The following TTC7B variants were observed in gnomAD, a reference collection of about 807,000 sequenced individuals.
TTC7B encodes the protein tetratricopeptide repeat protein 7B.
TTC7B carries 28 observed loss-of-function variants against 106.8 expected under a neutral mutation model. The ratio of observed to expected loss-of-function variants is 0.26; its 90% CI spans 0.19 to 0.36. The LOEUF (loss-of-function observed/expected upper bound fraction) is 0.36. Among genes scored for constraint, TTC7B ranks in the 10% least tolerant of loss-of-function variants. The pLI, the probability that TTC7B is intolerant of heterozygous loss-of-function variation, is 1.00. For synonymous variants in TTC7B, 405 were observed against 430.6 expected (o/e 0.94, Z 0.74); for missense variants, 862 against 1,076.4 (o/e 0.80, Z 2.79).
At chr14:90,545,640 C>T (rs905833226) in intron 19 of TTC7B, among the ~76,000 whole-genome samples, 3 of 152,204 alleles carry the variant, frequency 2.0e-5, no homozygotes, top group East Asian at 1.9e-4. Context: ...GCTCTGGTCT[C>T]GGCACCCTGC....
rs753726206 is a variant in TTC7B at position 90,652,859 on chromosome 14, G to A, written c.1499C>T (p.Ala500Val). The change falls in exon 13 of 20, where the codon GCG becomes GTG. Residue 500 changes from alanine (A) to valine (V), a missense_variant. Coordinates refer to ENST00000328459, the MANE Select transcript of TTC7B (RefSeq NM_001010854.2). ...RGMQEVLQRK[A>V]LLAFQRAHSL... is the part of the protein sequence containing the mutation. ...CACTCACCTCTGAAATGCAAGAAGC[G>A]CCTTTCTCTGTAGGACCTCCTGCAT... 4 of 1,614,216 alleles carry A rather than the reference G, an allele frequency of 2.5e-6. No individual in the cohort carries two copies. The highest frequency in any genetic ancestry group is 1.7e-5 in the Admixed American group (1 of 60,024).
intron 1 of TTC7B, among the ~76,000 whole-genome samples, chr14:90,815,449 C>G (rs2031118031): frequency 6.6e-6 from 1 of 152,078 alleles, no homozygotes; most frequent in African/African-American, 2.4e-5. Context: ...CAACCCCTCA[C>G]CCACCCAACT....
At chr14:90,667,798 A>G (rs1886469437) in intron 9 of TTC7B, among the ~76,000 whole-genome samples, 1 of 152,334 alleles carries the variant, frequency 6.6e-6, no homozygotes, top group South Asian at 2.1e-4. Context: ...TGGACTCAAT[A>G]GGGAGAAGGA....
intron 9 of TTC7B, among the ~76,000 whole-genome samples, chr14:90,669,681 C>T (rs1886558489): frequency 6.6e-6 from 1 of 152,122 alleles, no homozygotes; most frequent in Non-Finnish European, 1.5e-5. Context: ...AAAAGATGCT[C>T]AACATCATTA....
At chr14:90,699,132 C>A (rs1320485442) in intron 5 of TTC7B, 1 of 455,332 alleles carries the variant, frequency 2.2e-6, no homozygotes, top group Admixed American at 2.4e-5. Context: ...CTGAAATGTA[C>A]ATTCTAACGT....
rs1217702003 is a variant in TTC7B, at chr14:90,530,629, G to C, written c.*10739C>G. ...GAGGCAGAGAAGGAGGAGTCACAGA[G>C]ATCGCTCTACAGCAGAGGTCGGAGT... is the stretch of plus-strand genomic sequence containing the variant. On this transcript the variant is annotated 3_prime_UTR_variant, in exon 20 of 20. Transcript: ENST00000328459. The C allele has an allele frequency of 6.6e-6, 1 of 152,252 alleles. No individual in the cohort carries two copies. The highest frequency in any genetic ancestry group is 1.5e-5 in the Non-Finnish European group (1 of 68,110). The allele number at this position is 152,252 out of a possible 1,614,324, so 9.4% of individuals were successfully genotyped here. A position where few individuals can be genotyped will look rare whatever the true frequency, so the allele number is the denominator to read the frequency against.
At chr14:90,795,618 T>G (rs1358540902) in intron 1 of TTC7B, among the ~76,000 whole-genome samples, 4 of 152,210 alleles carry the variant, frequency 2.6e-5, no homozygotes, top group African/African-American at 9.6e-5. Flanking sequence ...TCTCTGAGCC[T>G]TAGTTTTCTC....
intron 5 of TTC7B, among the ~76,000 whole-genome samples, chr14:90,729,295 G>T (rs1158927440): frequency 6.6e-6 from 1 of 152,210 alleles, no homozygotes; most frequent in Non-Finnish European, 1.5e-5. Flanking sequence ...CAACTCCATT[G>T]TTCATTTTTC....
intron 9 of TTC7B, among the ~76,000 whole-genome samples, chr14:90,669,216 A>G (rs1886537521): frequency 6.6e-6 from 1 of 152,234 alleles, no homozygotes; most frequent in Non-Finnish European, 1.5e-5. Context: ...AAAACTATAA[A>G]TGGACAAACA....
chr14:90,682,340 C>T (rs1339815766), intron 7 of TTC7B, among the ~76,000 whole-genome samples: 2 of 152,222 alleles, frequency 1.3e-5, no homozygotes, highest in African/African-American at 4.8e-5. Flanking sequence ...TCCACTTCCT[C>T]TACCCTCCCT....
chr14:90,559,653 C>T (rs932961371), intron 19 of TTC7B, among the ~76,000 whole-genome samples: 9 of 138,934 alleles, frequency 6.5e-5, no homozygotes, highest in South Asian at 2.4e-4. Context: ...ACAACACACA[C>T]GATTCTCACA....
chr14:90,708,059 C>G (rs140480478), intron 5 of TTC7B, among the ~76,000 whole-genome samples: 5 of 144,180 alleles, frequency 3.5e-5, no homozygotes, highest in African/African-American at 1.0e-4. Flanking sequence ...GGCAGGAGAA[C>G]AGCTAGAACC....
chr14:90,542,767 C>A (rs376196856), intron 19 of TTC7B, among the ~76,000 whole-genome samples: 5 of 152,288 alleles, frequency 3.3e-5, no homozygotes, highest in African/African-American at 1.2e-4. Flanking sequence ...AGTCCAGTGT[C>A]CCCCATGAGC....
intron 1 of TTC7B, among the ~76,000 whole-genome samples, chr14:90,806,736 A>G (rs564405081): frequency 3.9e-5 from 6 of 152,078 alleles, no homozygotes; most frequent in African/African-American, 1.2e-4. Context: ...GTGAAACCTC[A>G]TCTCTACAAA....
intron 5 of TTC7B, among the ~76,000 whole-genome samples, chr14:90,729,729 C>CT (rs1889251368): frequency 6.6e-6 from 1 of 152,202 alleles, no homozygotes; most frequent in African/African-American, 2.4e-5. Flanking sequence ...AATTCATTAA[C>CT]TTTTTCCTTA....
At chr14:90,576,901 T>C (rs1179238363) in intron 19 of TTC7B, among the ~76,000 whole-genome samples, 8 of 152,214 alleles carry the variant, frequency 5.3e-5, no homozygotes, top group Non-Finnish European at 1.2e-4. Flanking sequence ...CTATTAGTCT[T>C]GGACAGACAC....
chr14:90,664,073 A>G (rs1222365078), intron 9 of TTC7B, among the ~76,000 whole-genome samples: 1 of 152,130 alleles, frequency 6.6e-6, no homozygotes, highest in East Asian at 1.9e-4. Flanking sequence ...CATGGTAAAA[A>G]GGAATGTGGG....
At chr14:90,715,313 G>C (rs1252967466) in intron 5 of TTC7B, among the ~76,000 whole-genome samples, 1 of 152,156 alleles carries the variant, frequency 6.6e-6, no homozygotes, top group Non-Finnish European at 1.5e-5. Flanking sequence ...TTTTGGGTCT[G>C]CTCTCTAGTC....
chr14:90,728,914 C>A (rs1024664771), intron 5 of TTC7B, among the ~76,000 whole-genome samples: 3 of 152,248 alleles, frequency 2.0e-5, no homozygotes, highest in Non-Finnish European at 4.4e-5. Flanking sequence ...TCCCTCTCTT[C>A]TCCTTCTATT....
Sources: allele counts gnomAD v4.1 joint callset (sites outside exome capture counted in the v4.1 genomes callset), GRCh38; gene constraint gnomAD v4.1.1; transcripts MANE v1.5; gene names NCBI Gene and HGNC (gene_info 2026-07-23, HGNC 2026-07-21).